The following DGKG variants were observed in gnomAD, a reference collection of about 807,000 sequenced individuals.
DGKG encodes the protein diacylglycerol kinase gamma.
In DGKG, 78 loss-of-function variants were observed where a neutral mutation model predicts 105.3. The ratio of observed to expected loss-of-function variants is 0.74; its 90% CI spans 0.62 to 0.89. The LOEUF (loss-of-function observed/expected upper bound fraction) is 0.89, where lower values mean the gene tolerates loss of function less well. Among genes scored for constraint, DGKG ranks in the 40% least tolerant of loss-of-function variants. The pLI is 0.00. For missense variants in DGKG, 958 were observed against 1,020.1 expected (o/e 0.94, Z 0.83); for synonymous variants, 346 against 367.1 (o/e 0.94, Z 0.66).
At chr3:186,275,983 TC>T (rs200002617) in intron 9 of DGKG, among the ~76,000 whole-genome samples, 3 of 149,342 alleles carry the variant, frequency 2.0e-5, no homozygotes, top group African/African-American at 7.4e-5. Context: ...TATCTATCTA[TC>T]TATCTATCTA....
intron 24 of DGKG, among the ~76,000 whole-genome samples, chr3:186,150,921 C>A (rs1414496904): frequency 1.3e-5 from 2 of 152,170 alleles, no homozygotes; most frequent in African/African-American, 4.8e-5. Flanking sequence ...TAATTCCTAC[C>A]TGAGTGTGGC....
At chr3:186,234,653 C>T (rs1213961789) in intron 20 of DGKG, among the ~76,000 whole-genome samples, 2 of 152,122 alleles carry the variant, frequency 1.3e-5, no homozygotes, top group African/African-American at 4.8e-5. Flanking sequence ...AAGAAAAAGC[C>T]CATTAAGCTA....
chr3:186,344,457 G>A (rs1726235357), intron 1 of DGKG, among the ~76,000 whole-genome samples: 1 of 152,152 alleles, frequency 6.6e-6, no homozygotes, highest in Non-Finnish European at 1.5e-5. Context: ...GAACATGGAT[G>A]GATACTTAGC....
At chr3:186,156,843 C>A (rs1716061839) in intron 24 of DGKG, among the ~76,000 whole-genome samples, 1 of 151,804 alleles carries the variant, frequency 6.6e-6, no homozygotes, top group Non-Finnish European at 1.5e-5. Flanking sequence ...AATATTTGTC[C>A]ATTTTTTCTA....
rs202164762 is a variant in DGKG at position 186,298,228 on chromosome 3, G to C, written c.146C>G (p.Pro49Arg). The change falls in exon 4 of 25, where the codon CCG becomes CGG. Residue 49 changes from proline (P) to arginine (R), a missense_variant and splice_region_variant. Transcript: ENST00000265022. ...CAGCTTGAAGACATCATAGCTAATCGGCTGAGAAGGGGCAAAAGGGCAAAG... is the reference window on the plus strand; with the variant it reads ...CAGCTTGAAGACATCATAGCTAATCCGCTGAGAAGGGGCAAAAGGGCAAAG... ...GSLKQYDPHE[P>R]ISYDVFKLFM... 5 of 1,589,008 alleles carry C rather than the reference G, an allele frequency of 3.1e-6. No homozygotes were observed. The highest frequency in any genetic ancestry group is 4.3e-6 in the Non-Finnish European group (5 of 1,167,802).
intron 1 of DGKG, among the ~76,000 whole-genome samples, chr3:186,326,428 A>G (rs565721765): frequency 2.0e-5 from 3 of 150,282 alleles, no homozygotes; most frequent in Non-Finnish European, 3.0e-5. Flanking sequence ...GTACACAGAT[A>G]CACACACACA....
At chr3:186,292,121 G>T (rs1382994068) in intron 5 of DGKG, among the ~76,000 whole-genome samples, 1 of 152,148 alleles carries the variant, frequency 6.6e-6, no homozygotes, top group Non-Finnish European at 1.5e-5. Context: ...CCCTCTTCCG[G>T]ATCACAGAGG....
At chr3:186,253,423 C>T (rs1234409488) in intron 17 of DGKG, among the ~76,000 whole-genome samples, 1 of 152,180 alleles carries the variant, frequency 6.6e-6, no homozygotes, top group Non-Finnish European at 1.5e-5. Flanking sequence ...TGTATCCCTG[C>T]AACTTGCATA....
At chr3:186,292,045 G>GA (rs950534887) in intron 5 of DGKG, among the ~76,000 whole-genome samples, 7 of 152,130 alleles carry the variant, frequency 4.6e-5, no homozygotes, top group African/African-American at 1.7e-4. Flanking sequence ...TGCTTTATAT[G>GA]AAATAGCCCT....
In DGKG at chr3:186,222,749, C is replaced by T. The variant is rs375598299; in HGVS notation, c.1827-10864G>A. ...AACCCAGCAATTTGGGAGGCTGAGGCGGGCGGATCATGAGGTCTGGGAGTT... is the reference window on the plus strand; with the variant it reads ...AACCCAGCAATTTGGGAGGCTGAGGTGGGCGGATCATGAGGTCTGGGAGTT... On this transcript the variant is annotated intron_variant, in intron 20 of 24. Transcript: ENST00000265022. Among the ~76,000 whole-genome samples, 1,135 of 151,512 alleles carry T rather than the reference C, an allele frequency of 7.5e-3. 17 individuals carry two copies. The highest frequency in any genetic ancestry group is 0.025 in the African/African-American group (1,040 of 41,376).
intron 20 of DGKG, among the ~76,000 whole-genome samples, chr3:186,230,012 C>T (rs1488588139): frequency 1.3e-5 from 2 of 152,300 alleles, no homozygotes; most frequent in African/African-American, 4.8e-5. Context: ...GTAATCTCAG[C>T]ACTTTGGGAG....
intron 1 of DGKG, among the ~76,000 whole-genome samples, chr3:186,357,640 C>T (rs1227451985): frequency 2.0e-5 from 3 of 152,178 alleles, no homozygotes; most frequent in African/African-American, 7.2e-5. Context: ...GACTCAGAGT[C>T]GGTGCCCAGT....
intron 21 of DGKG, among the ~76,000 whole-genome samples, chr3:186,197,580 G>A (rs540846296): frequency 2.6e-5 from 4 of 152,296 alleles, no homozygotes; most frequent in Admixed American, 1.3e-4. Flanking sequence ...TTCTGATACC[G>A]TGGGCGGGGA....
intron 1 of DGKG, among the ~76,000 whole-genome samples, chr3:186,359,980 CT>C (rs1478618979): frequency 1.3e-5 from 2 of 152,206 alleles, no homozygotes; most frequent in Admixed American, 1.3e-4. Context: ...CCTTTTCCCC[CT>C]TCTCTTCCAG....
intron 16 of DGKG, among the ~76,000 whole-genome samples, chr3:186,259,665 C>T (rs1364194740): frequency 6.6e-6 from 1 of 151,980 alleles, no homozygotes; most frequent in African/African-American, 2.4e-5. Flanking sequence ...CTGGGCAAGC[C>T]CAGCCCAGAG....
chr3:186,220,067 G>A (rs1205983468), intron 20 of DGKG, among the ~76,000 whole-genome samples: 1 of 152,194 alleles, frequency 6.6e-6, no homozygotes, highest in Non-Finnish European at 1.5e-5. Flanking sequence ...TAACTAGTGG[G>A]TTAAACTATA....
chr3:186,171,284 A>C (rs1246088801), intron 22 of DGKG, among the ~76,000 whole-genome samples: 1 of 152,240 alleles, frequency 6.6e-6, no homozygotes, highest in Non-Finnish European at 1.5e-5. Context: ...TTTGTTGAAT[A>C]AACTGAATAA....
At chr3:186,207,013 T>C (rs1718779010) in intron 21 of DGKG, among the ~76,000 whole-genome samples, 1 of 151,854 alleles carries the variant, frequency 6.6e-6, no homozygotes, top group Admixed American at 6.6e-5. Context: ...CCTCCCAGAG[T>C]GCTGGGATTG....
intron 6 of DGKG, among the ~76,000 whole-genome samples, chr3:186,285,322 T>C (rs972765525): frequency 3.3e-5 from 5 of 152,380 alleles, no homozygotes; most frequent in South Asian, 2.1e-4. Context: ...TGAACATTTA[T>C]ATATGGCATT....
Sources: allele counts gnomAD v4.1 joint callset (sites outside exome capture counted in the v4.1 genomes callset), GRCh38; gene constraint gnomAD v4.1.1; transcripts MANE v1.5; gene names NCBI Gene and HGNC (gene_info 2026-07-23, HGNC 2026-07-21).